POLR1C: variants seen among roughly 807,000 people sequenced by gnomAD.
The protein encoded by POLR1C is DNA-directed RNA polymerases I and III subunit RPAC1.
POLR1C carries 42 observed loss-of-function variants against 38.3 expected under a neutral mutation model. The observed-to-expected ratio is 1.10, with a 90% CI of 0.86 to 1.42. POLR1C has a LOEUF of 1.42. POLR1C is among the 40% of genes most tolerant of loss of function. The pLI is 0.00. For missense variants in POLR1C, 507 were observed against 450.5 expected, an observed-to-expected ratio of 1.13 and a Z score of -1.14; for synonymous variants, 163 against 163.9, an observed-to-expected ratio of 0.99 and a Z score of 0.04.
chr6:43,545,220 A>T (rs1016375292), intron 9 of POLR1C, among the ~76,000 whole-genome samples: 1 of 152,156 alleles, frequency 6.6e-6, no homozygotes, highest in African/African-American at 2.4e-5. Flanking sequence ...CAACTTTATC[A>T]GACACTCCAG....
At chr6:43,550,415 G>C (rs1795172292) in intron 9 of POLR1C, among the ~76,000 whole-genome samples, 1 of 152,144 alleles carries the variant, frequency 6.6e-6, no homozygotes, top group South Asian at 2.1e-4. Context: ...CCACTTTTCT[G>C]AAGTCCTACT....
At chr6:43,555,727 T>G (rs1358091962) in intron 10 of POLR1C, 1 of 1,298,622 alleles carries the variant, frequency 7.7e-7, no homozygotes, top group African/African-American at 1.5e-5. Context: ...TATTTTTGAA[T>G]AGTATAAGTA....
downstream of POLR1C, among the ~76,000 whole-genome samples, chr6:43,522,013 G>C (rs905998570): frequency 5.9e-5 from 9 of 152,194 alleles, no homozygotes; most frequent in African/African-American, 2.2e-4. Context: ...TCAAGCTAGA[G>C]TGAATGTGCC....
In POLR1C at chr6:43,517,312, A is replaced by ACTACTGAGGAC; in HGVS notation, c.83_84insGGACCTACTGA (p.Asp28GlufsTer30). ...ATTCGTCCCTTTGCTCTAGGTCCAT[A>ACTACTGAGGAC]CTACTGACTTTCCCGGTAACTATTC... On this transcript the variant is annotated frameshift_variant, in exon 2 of 9. Coordinates refer to ENST00000642195, the MANE Select transcript of POLR1C (RefSeq NM_203290.4). LOFTEE classifies it high-confidence loss of function. 1 of 1,614,080 alleles carries ACTACTGAGGAC rather than the reference A, an allele frequency of 6.2e-7. No homozygotes were observed.
intron 9 of POLR1C, among the ~76,000 whole-genome samples, chr6:43,544,764 C>T (rs1359146829): frequency 2.6e-5 from 4 of 152,228 alleles, no homozygotes; most frequent in East Asian, 1.9e-4. Context: ...AAAAACATCA[C>T]GATAGAAATA....
At chr6:43,531,441 G>A (rs369855189), downstream of POLR1C, 30 of 1,570,704 alleles carry the variant, frequency 1.9e-5, no homozygotes, top group African/African-American at 1.1e-4. Flanking sequence ...AATACATATC[G>A]AGGAAGAAAA....
chr6:43,531,354 A>AT (rs1793964060), downstream of POLR1C: 2 of 844,504 alleles, frequency 2.4e-6, no homozygotes, highest in Non-Finnish European at 3.8e-6. Context: ...CACTAGAATG[A>AT]TAAGTTTCCT....
Position 43,520,256 on chromosome 6 carries a change from T to A in POLR1C, c.503-19T>A. The A allele has an allele frequency of 6.2e-7, 1 of 1,613,480 alleles. No individual in the cohort carries two copies. The highest frequency in any genetic ancestry group is 1.1e-5 in the South Asian group (1 of 91,088). ...GCTAGTTTTAGGGACTGAGATCTTCTGACATGTTTTTCCTCCAGTGTATAC... is the reference window on the plus strand; with the variant it reads ...GCTAGTTTTAGGGACTGAGATCTTCAGACATGTTTTTCCTCCAGTGTATAC... On this transcript the variant is annotated intron_variant, in intron 5 of 8. Coordinates refer to ENST00000642195, the MANE Select transcript of POLR1C (RefSeq NM_203290.4).
chr6:43,548,331 G>A (rs759225284), intron 9 of POLR1C: 13 of 1,613,546 alleles, frequency 8.1e-6, no homozygotes, highest in Non-Finnish European at 1.0e-5. Flanking sequence ...ACCTTCTGAC[G>A]CTCGTAGTTC....
chr6:43,527,588 C>G, intron 8 of POLR1C: 1 of 1,601,072 alleles, frequency 6.2e-7, no homozygotes, highest in South Asian at 1.1e-5. Context: ...ACCAGCTCTT[C>G]TTCCAGGAAA....
intron 8 of POLR1C, chr6:43,526,808 C>T: frequency 1.3e-6 from 2 of 1,548,966 alleles, no homozygotes; most frequent in Non-Finnish European, 1.8e-6. Flanking sequence ...CAACAGCCAC[C>T]TCAGGCCCAC....
In POLR1C at chr6:43,521,098, C is replaced by T. The variant is rs113209557; in HGVS notation, c.922+50C>T. 0.023 allele frequency: 36,916 copies of T among 1,594,942 alleles called. 518 individuals are homozygous for T. The highest frequency in any genetic ancestry group is 0.027 in the Non-Finnish European group (31,699 of 1,162,534). ...TGGGCAGTGCTCTTTGGTGCTGCAG[C>T]TTCCTTCCAGTCTAGATGTGAAGTT... is the stretch of plus-strand genomic sequence containing the variant. On this transcript the variant is annotated intron_variant, in intron 8 of 8. Transcript: ENST00000642195.
At chr6:43,547,843 T>C (rs991882366) in intron 9 of POLR1C, 1 of 638,384 alleles carries the variant, frequency 1.6e-6, no homozygotes. Flanking sequence ...ATCATACTAA[T>C]TGTCAGTTGT....
chr6:43,525,332 T>A (rs1793508574), downstream of POLR1C: 1 of 973,568 alleles, frequency 1.0e-6, no homozygotes, highest in East Asian at 2.6e-5. Context: ...TAAAGATGGG[T>A]TTGTTTTGTT....
chr6:43,556,191 T>C (rs986864029), intron 10 of POLR1C: 12 of 471,350 alleles, frequency 2.5e-5, no homozygotes, highest in South Asian at 6.4e-5. Context: ...ATCCTGTAAG[T>C]GGCAAACTAA....
downstream of POLR1C, among the ~76,000 whole-genome samples, chr6:43,522,080 C>T (rs887148131): frequency 2.0e-5 from 3 of 152,210 alleles, no homozygotes; most frequent in Non-Finnish European, 4.4e-5. Flanking sequence ...ACAGCTCCAA[C>T]AAAGAACAGT....
intron 10 of POLR1C, chr6:43,553,230 A>T: frequency 9.6e-7 from 1 of 1,046,312 alleles, no homozygotes; most frequent in Non-Finnish European, 1.3e-6. Context: ...TGAGCCCAGG[A>T]GTTGGAGGTT....
intron 10 of POLR1C, among the ~76,000 whole-genome samples, chr6:43,557,356 G>T (rs1181549745): frequency 6.6e-6 from 1 of 151,270 alleles, no homozygotes; most frequent in Non-Finnish European, 1.5e-5. Flanking sequence ...AATCCGGGAG[G>T]CAGAGGTTGC....
Position 43,541,132 on chromosome 6 carries a change from T to A in POLR1C, c.*5-9836T>A, listed in dbSNP as rs573310766. Reference sequence around the variant, plus strand: ...GGGTAGTGGTGGGTTAGGGGTAAGGTAGGGATTGTTAATGGGTACAAAAAA... The same window carrying A: ...GGGTAGTGGTGGGTTAGGGGTAAGGAAGGGATTGTTAATGGGTACAAAAAA... On this transcript the variant is annotated intron_variant, in intron 9 of 10. Coordinates refer to the POLR1C transcript ENST00000607635. 9.2e-5 allele frequency among the ~76,000 whole-genome samples: 14 copies of A among 152,060 alleles called. No individual in the cohort carries two copies. In the East Asian group the frequency reaches 2.7e-3, roughly 29 times the overall value.
Sources: allele counts gnomAD v4.1 joint callset (sites outside exome capture counted in the v4.1 genomes callset), GRCh38; gene constraint gnomAD v4.1.1; transcripts MANE v1.5; gene names NCBI Gene and HGNC (gene_info 2026-07-23, HGNC 2026-07-21).